The following CD300LG variants were observed in gnomAD, a reference collection of about 807,000 sequenced individuals.
CD300LG encodes the protein CD300 molecule like family member g.
CD300LG carries 29 observed loss-of-function variants against 31.5 expected under a neutral mutation model. The ratio of observed to expected loss-of-function variants is 0.92; its 90% CI spans 0.68 to 1.25. The LOEUF (loss-of-function observed/expected upper bound fraction) is 1.25. Ranked by LOEUF, CD300LG falls within the 50% of genes most tolerant of loss-of-function variation. CD300LG has a pLI of 0.00. For missense variants in CD300LG, 396 were observed against 417.6 expected, an observed-to-expected ratio of 0.95 and a Z score of 0.45; for synonymous variants, 175 against 177.2, an observed-to-expected ratio of 0.99 and a Z score of 0.10.
intron 6 of CD300LG, chr17:43,857,534 G>C: frequency 6.8e-7 from 1 of 1,470,076 alleles, no homozygotes; most frequent in Non-Finnish European, 9.2e-7. Context: ...CTCTCAGTTT[G>C]AAGCAAATCG....
intron 3 of CD300LG, 106 bp downstream of exon 3, chr17:43,853,119 TCC>T: frequency 1.1e-6 from 1 of 913,604 alleles, no homozygotes; most frequent in Non-Finnish European, 1.7e-6. Context: ...CACCTAGGTG[TCC>T]CCACAAGCCT....
intron 4 of CD300LG, among the ~76,000 whole-genome samples, chr17:43,854,820 G>T (rs1329686579): frequency 6.6e-6 from 1 of 152,146 alleles, no homozygotes; most frequent in African/African-American, 2.4e-5. Context: ...AGCTAACATT[G>T]ACGTGGTGCC....
intron 6 of CD300LG, chr17:43,858,400 G>C: frequency 1.0e-6 from 1 of 985,464 alleles, no homozygotes; most frequent in Non-Finnish European, 1.2e-6. Context: ...GAGGGGCTGG[G>C]GTCCAAGGAG....
intron 2 of CD300LG, 54 bp downstream of exon 2, chr17:43,848,947 G>A: frequency 6.7e-7 from 1 of 1,495,406 alleles, no homozygotes. Flanking sequence ...AGAGGGAAGA[G>A]GGAGGGGTGG....
chr17:43,848,058 C>T (rs751212451), intron 1 of CD300LG, among the ~76,000 whole-genome samples: 10 of 152,096 alleles, frequency 6.6e-5, no homozygotes, highest in East Asian at 1.9e-4. Context: ...CTGGCTAACA[C>T]GGTGAAACCC....
chr17:43,848,463 A>G (rs1408389027), intron 1 of CD300LG, 95 bp from the exon 2 acceptor site: 18 of 1,018,552 alleles, frequency 1.8e-5, no homozygotes, highest in Non-Finnish European at 2.5e-5. Context: ...TGACTGAGAA[A>G]AGCCTTCCTT....
chr17:43,856,286 T>C (rs1054179378), intron 5 of CD300LG, among the ~76,000 whole-genome samples: 3 of 152,226 alleles, frequency 2.0e-5, no homozygotes, highest in Admixed American at 2.0e-4. Context: ...CTGATGGCCA[T>C]GTGCAGCTCC....
chr17:43,847,400 T>TGGGGGGGGGGGTGGGGGGG, intron 1 of CD300LG, 141 bp downstream of exon 1: 2 of 325,848 alleles, frequency 6.1e-6, no homozygotes, highest in Non-Finnish European at 1.1e-5. Context: ...GGGCTGGGGG[T>TGGGGGGGGGGGTGGGGGGG]GGGGGGAGGT....
chr17:43,856,576 C>T (rs374179701), intron 5 of CD300LG, among the ~76,000 whole-genome samples: 8 of 152,324 alleles, frequency 5.3e-5, no homozygotes, highest in African/African-American at 7.2e-5. Flanking sequence ...GCTTTCTGTC[C>T]CTTCCATGTG....
intron 2 of CD300LG, chr17:43,849,518 G>A (rs557142177): frequency 6.5e-6 from 1 of 153,360 alleles, no homozygotes; most frequent in African/African-American, 2.4e-5. Context: ...CCTGGGTAGG[G>A]GATAAAGCAC....
intron 6 of CD300LG, among the ~76,000 whole-genome samples, 154 bp downstream of exon 6, chr17:43,857,310 C>A (rs567126210): frequency 2.0e-5 from 3 of 152,312 alleles, no homozygotes; most frequent in African/African-American, 7.2e-5. Context: ...GTGTGTGAGC[C>A]CCAAGATCAG....
intron 4 of CD300LG, among the ~76,000 whole-genome samples, chr17:43,854,296 C>T (rs1156969122): frequency 6.6e-6 from 1 of 152,190 alleles, no homozygotes; most frequent in Non-Finnish European, 1.5e-5. Flanking sequence ...CTCTCCCTGC[C>T]CCAGCCTCAG....
At chr17:43,861,192 G>A in intron 6 of CD300LG, 1 of 985,368 alleles carries the variant, frequency 1.0e-6, no homozygotes, top group Non-Finnish European at 1.2e-6. Flanking sequence ...GGGCCCATGG[G>A]GTCTCTCACC....
rs541092867 is a variant in CD300LG, at chr17:43,853,071, T to C, written c.481+58T>C. The stretch of plus-strand genomic sequence containing the variant: ...CCACCCTTCTTACAGAAGCAGCCAG[T>C]GAGTGCCTGCCTGGTACCAGACACA... On this transcript the variant is annotated intron_variant, in intron 3 of 6. Coordinates refer to ENST00000317310, the MANE Select transcript of CD300LG (RefSeq NM_145273.4). The C allele has an allele frequency of 1.9e-5, 27 of 1,423,822 alleles. No individual in the cohort carries two copies. In the African/African-American group the frequency reaches 3.7e-4, roughly 19 times the overall value. The allele number at this position is 1,423,822 out of a possible 1,614,324, so 88.2% of individuals were successfully genotyped here.
chr17:43,852,922 TCCTC>T lies in CD300LG; in HGVS notation c.397_400del (p.Ser133LeufsTer27), dbSNP rs774713357. On this transcript the variant is annotated frameshift_variant, in exon 3 of 7. Coordinates refer to ENST00000317310, the MANE Select transcript of CD300LG (RefSeq NM_145273.4). LOFTEE classifies it high-confidence loss of function. ...TTCCCTTTCCTCTAGGACCCTGCTG[TCCTC>T]CCTCCCCTTCTCCCACCTTCCAGCC... 1.2e-6 allele frequency: 2 copies of T among 1,611,618 alleles called. No individual in the cohort carries two copies. Among genetic ancestry groups the T allele is most frequent in the Non-Finnish European group, 1.7e-6 (2 of 1,178,874 alleles).
intron 1 of CD300LG, among the ~76,000 whole-genome samples, chr17:43,848,259 C>CAAACA (rs985932771): frequency 2.3e-4 from 35 of 151,964 alleles, no homozygotes; most frequent in African/African-American, 6.0e-4. Flanking sequence ...AACAAACAAA[C>CAAACA]AAACAAAACA....
At chr17:43,847,748 T>G (rs2046224172) in intron 1 of CD300LG, among the ~76,000 whole-genome samples, 1 of 152,190 alleles carries the variant, frequency 6.6e-6, no homozygotes, top group Admixed American at 6.5e-5. Context: ...AGTTGTTCAG[T>G]TGGCAATAGT....
intron 2 of CD300LG, chr17:43,849,955 T>G (rs980177587): frequency 2.0e-5 from 3 of 152,224 alleles, no homozygotes; most frequent in African/African-American, 7.2e-5. Flanking sequence ...TTTACAAGAT[T>G]CTCTTATCTC....
Position 43,847,179 on chromosome 17 carries a change from GT to G in CD300LG, c.-36del, listed in dbSNP as rs2046205460. On this transcript the variant is annotated 5_prime_UTR_variant, in exon 1 of 7. Transcript: ENST00000317310. The stretch of plus-strand genomic sequence containing the variant: ...CCGTGTGACTGAAGAGGAGCTCACA[GT>G]TCCCAGCGTCTGCTCCCACGGTGTC... The G allele has an allele frequency of 1.2e-6, 2 of 1,611,574 alleles. No individual in the cohort carries two copies. Among genetic ancestry groups the G allele is most frequent in the South Asian group, 2.2e-5 (2 of 90,856 alleles).
Sources: gnomAD v4.1 joint callset for allele counts (sites outside exome capture counted in the v4.1 genomes callset) on GRCh38, gnomAD v4.1.1 for gene constraint, MANE v1.5 for transcripts, NCBI Gene and HGNC (gene_info 2026-07-23, HGNC 2026-07-21) for gene names.